The following LRP6 variants were observed in gnomAD, a reference collection of about 807,000 sequenced individuals.
LRP6 encodes the protein low-density lipoprotein receptor-related protein 6.
Under a neutral mutation model 184.1 loss-of-function variants are expected in LRP6, and 43 were observed. The observed-to-expected ratio is 0.23, with a 90% CI of 0.18 to 0.30. The LOEUF (loss-of-function observed/expected upper bound fraction) is 0.30. Ranked by LOEUF, LRP6 falls within the 10% of genes least tolerant of loss-of-function variation. The probability of loss-of-function intolerance (pLI) is 1.00; values close to 1 mark genes in which losing one functional copy is unlikely to be tolerated. For missense variants in LRP6, 1,571 were observed against 2,005.3 expected (o/e 0.78, Z 4.14); for synonymous variants, 719 against 684.9 (o/e 1.05, Z -0.78).
intron 7 of LRP6, among the ~76,000 whole-genome samples, chr12:12,172,855 G>A (rs1387973364): frequency 1.3e-5 from 2 of 152,108 alleles, no homozygotes; most frequent in African/African-American, 4.8e-5. Context: ...TGAAGTAAAG[G>A]GACACCACAC....
In LRP6 at chr12:12,147,421, G is replaced by T. The variant is rs1300994944; in HGVS notation, c.3342C>A (p.Gly1114=). ...PIALALDSRL[G]KLFWADSDLR... Reference sequence around the variant, plus strand: ...GATCTGAATCAGCCCAAAAGAGCTTGCCCAGCCTGCTATCAAGGGCTAAAG... The same window carrying T: ...GATCTGAATCAGCCCAAAAGAGCTTTCCCAGCCTGCTATCAAGGGCTAAAG... The change falls in exon 15 of 23, where the codon GGC becomes GGA. Residue 1114 remains glycine (G), a synonymous_variant. Coordinates refer to ENST00000261349, the MANE Select transcript of LRP6 (RefSeq NM_002336.3). The T allele has an allele frequency of 1.2e-6, 2 of 1,614,150 alleles. No individual in the cohort carries two copies. Among genetic ancestry groups the T allele is most frequent in the South Asian group, 2.2e-5 (2 of 91,080 alleles).
Position 12,232,586 on chromosome 12 carries a change from C to CAA in LRP6, c.449+11674_449+11675dup, listed in dbSNP as rs34155963. Among the ~76,000 whole-genome samples the CAA allele has an allele frequency of 6.9e-3, 792 of 115,306 alleles. 7 individuals carry two copies. Among genetic ancestry groups the CAA allele is most frequent in the East Asian group, 0.017 (76 of 4,484 alleles). The allele number at this position is 115,306 out of a possible 152,430, so 75.6% of individuals were successfully genotyped here. On this transcript the variant is annotated intron_variant, in intron 2 of 22. Transcript: ENST00000261349. Reference sequence around the variant, plus strand: ...ACCTTAAGCAAGAATCCAGCAGGTGCAAAAAAAAAAAAAAACAGAAGTAGA... The same window carrying CAA: ...ACCTTAAGCAAGAATCCAGCAGGTGCAAAAAAAAAAAAAAAAACAGAAGTAGA...
At chr12:12,192,523 A>T (rs1863644366) in intron 3 of LRP6, among the ~76,000 whole-genome samples, 1 of 152,068 alleles carries the variant, frequency 6.6e-6, no homozygotes, top group Non-Finnish European at 1.5e-5. Flanking sequence ...CTGTTTATAA[A>T]AGCACATTTT....
chr12:12,150,727 C>G, intron 13 of LRP6, 109 bp downstream of exon 13: 1 of 1,144,396 alleles, frequency 8.7e-7, no homozygotes, highest in Non-Finnish European at 1.3e-6. Context: ...CAGTTTCATA[C>G]ACACATACAC....
chr12:12,199,160 A>T (rs766483461), intron 3 of LRP6, among the ~76,000 whole-genome samples: 1 of 152,138 alleles, frequency 6.6e-6, no homozygotes, highest in African/African-American at 2.4e-5. Context: ...CAAATGGATG[A>T]GTGTGTTCAG....
At chr12:12,231,576 A>G (rs948494101) in intron 2 of LRP6, among the ~76,000 whole-genome samples, 2 of 152,168 alleles carry the variant, frequency 1.3e-5, no homozygotes, top group African/African-American at 4.8e-5. Context: ...CTGCTTGAAT[A>G]AGGCAATGAT....
At chr12:12,137,211 G>A (rs755929415) in intron 16 of LRP6, among the ~76,000 whole-genome samples, 1 of 152,036 alleles carries the variant, frequency 6.6e-6, no homozygotes, top group Non-Finnish European at 1.5e-5. Flanking sequence ...TTCAATAATT[G>A]TCTCTCTCAT....
At chr12:12,160,986 C>T (rs1361758860) in intron 10 of LRP6, among the ~76,000 whole-genome samples, 1 of 152,222 alleles carries the variant, frequency 6.6e-6, no homozygotes, top group Non-Finnish European at 1.5e-5. Context: ...CTGAAGGTGT[C>T]CTGCCTTTAT....
At chr12:12,161,626 C>T (rs1204574782) in intron 10 of LRP6, among the ~76,000 whole-genome samples, 3 of 152,208 alleles carry the variant, frequency 2.0e-5, no homozygotes, top group South Asian at 2.1e-4. Flanking sequence ...TCTTAGCTGC[C>T]GGCTTTAAAA....
At chr12:12,249,956 C>T (rs962477062) in intron 1 of LRP6, among the ~76,000 whole-genome samples, 6 of 152,184 alleles carry the variant, frequency 3.9e-5, no homozygotes, top group African/African-American at 1.4e-4. Context: ...AGCCCCTCCC[C>T]TTTTCCCCTA....
In LRP6 at chr12:12,130,775, C is replaced by T; in HGVS notation, c.4081+8G>A. ...TAAGAGTAATTTATAGATCTCAGTC[C>T]TACTTACAACAATCCAGTTCATCTG... On this transcript the variant is annotated splice_region_variant and intron_variant, in intron 19 of 22. Coordinates refer to ENST00000261349, the MANE Select transcript of LRP6 (RefSeq NM_002336.3). The T allele has an allele frequency of 6.4e-7, 1 of 1,562,700 alleles. No homozygotes were observed. Among genetic ancestry groups the T allele is most frequent in the South Asian group, 1.1e-5 (1 of 90,006 alleles).
In LRP6 at chr12:12,118,452, C is replaced by G. The variant is rs1435138604; in HGVS notation, c.*2674G>C. ...TTAGGACACATGTTCAAAATAAATA[C>G]TTTTGCATATAAGGAATCTAATGAA... On this transcript the variant is annotated 3_prime_UTR_variant, in exon 23 of 23. Coordinates refer to ENST00000261349, the MANE Select transcript of LRP6 (RefSeq NM_002336.3). 6.6e-6 allele frequency: 1 copy of G among 152,196 alleles called. No homozygotes were observed. Among genetic ancestry groups the G allele is most frequent in the East Asian group, 1.9e-4 (1 of 5,200 alleles). The allele number at this position is 152,196 out of a possible 1,614,324, so 9.4% of individuals were successfully genotyped here. A position where few individuals can be genotyped will look rare whatever the true frequency, so the allele number is the denominator to read the frequency against.
chr12:12,118,532 C>G lies in LRP6; in HGVS notation c.*2594G>C, dbSNP rs1949549084. The G allele has an allele frequency of 6.6e-6, 1 of 152,150 alleles. No homozygotes were observed. The highest frequency in any genetic ancestry group is 2.1e-4 in the South Asian group (1 of 4,822). 9.4% of individuals were successfully genotyped at this position (152,150 alleles called of 1,614,324 possible). A position where few individuals can be genotyped will look rare whatever the true frequency, so the allele number is the denominator to read the frequency against. On this transcript the variant is annotated 3_prime_UTR_variant, in exon 23 of 23. Transcript: ENST00000261349. ...AATTTAATACACCAAATTTAAAAATCCCTTTTCTTTTTTCCCCCTAATTTG... is the reference window on the plus strand; with the variant it reads ...AATTTAATACACCAAATTTAAAAATGCCTTTTCTTTTTTCCCCCTAATTTG...
At chr12:12,242,986 C>T (rs1311171572) in intron 2 of LRP6, among the ~76,000 whole-genome samples, 1 of 152,202 alleles carries the variant, frequency 6.6e-6, no homozygotes, top group Non-Finnish European at 1.5e-5. Flanking sequence ...TCACTCCTTT[C>T]TATAAGTGAA....
intron 2 of LRP6, among the ~76,000 whole-genome samples, chr12:12,218,513 A>ACT (rs1864407033): frequency 2.7e-5 from 4 of 146,444 alleles, no homozygotes; most frequent in African/African-American, 9.8e-5. Context: ...TAATAATAAT[A>ACT]ATAATACTAT....
chr12:12,261,131 T>C (rs890312003), intron 1 of LRP6, among the ~76,000 whole-genome samples: 3 of 151,976 alleles, frequency 2.0e-5, no homozygotes, highest in Admixed American at 6.6e-5. Context: ...TCTTAAAAAT[T>C]GAATCATGGC....
At position 12,147,385 on chromosome 12, in the gene LRP6, A is replaced by T. The variant is rs1281162807; in HGVS notation, c.3378T>A (p.Ile1126=). The T allele has an allele frequency of 6.2e-7, 1 of 1,614,206 alleles. No homozygotes were observed. The highest frequency in any genetic ancestry group is 1.1e-5 in the South Asian group (1 of 91,090). The change falls in exon 15 of 23, where the codon ATT becomes ATA. Residue 1126 remains isoleucine, a synonymous_variant. Transcript: ENST00000261349. ...GGGTACCTGAGAGATCACTGCTTTC[A>T]ATTCGCCGGAGATCTGAATCAGCCC... The part of the protein sequence containing the change: ...LFWADSDLRR[I]ESSDLSGANR...
intron 16 of LRP6, among the ~76,000 whole-genome samples, chr12:12,136,231 T>C (rs1200699323): frequency 2.0e-5 from 3 of 152,180 alleles, no homozygotes; most frequent in Non-Finnish European, 4.4e-5. Flanking sequence ...ATGCTGAAAC[T>C]TGAGTATTAT....
intron 17 of LRP6, 93 bp downstream of exon 17, chr12:12,135,082 G>C: frequency 6.3e-7 from 1 of 1,579,784 alleles, no homozygotes. Context: ...TTAGTAGACA[G>C]AGCAACTTCA....
Sources: gnomAD v4.1 joint callset for allele counts (sites outside exome capture counted in the v4.1 genomes callset) on GRCh38, gnomAD v4.1.1 for gene constraint, MANE v1.5 for transcripts, NCBI Gene and HGNC (gene_info 2026-07-23, HGNC 2026-07-21) for gene names.